The following ATRX variants were observed in gnomAD, a reference collection of about 807,000 sequenced individuals.
ATRX encodes the protein ATRX chromatin remodeler, also known as chromatin remodeler ATRX.
In ATRX, 12 loss-of-function variants were observed where a neutral mutation model predicts 172.6. The observed-to-expected ratio is 0.07, with a 90% CI of 0.04 to 0.11. The LOEUF is 0.11. Ranked by LOEUF, ATRX falls within the 10% of genes least tolerant of loss-of-function variation. The probability of loss-of-function intolerance (pLI) is 1.00; values close to 1 mark genes in which losing one functional copy is unlikely to be tolerated. For missense variants in ATRX, 1,368 were observed against 1,767.4 expected (o/e 0.77, Z 4.05); for synonymous variants, 674 against 594.7 (o/e 1.13, Z -1.94).
intron 15 of ATRX, among the ~76,000 whole-genome samples, chrX:77,645,931 T>A (rs1229791428): frequency 9.0e-6 from 1 of 111,187 alleles, no homozygotes; most frequent in East Asian, 2.8e-4. Flanking sequence ...ATATGTAATC[T>A]CCATGATAAC....
intron 1 of ATRX, among the ~76,000 whole-genome samples, chrX:77,757,239 T>C (rs1557190671): frequency 8.9e-6 from 1 of 111,843 alleles, no homozygotes. Flanking sequence ...CTTGGTATTG[T>C]CTCCACTGCA....
At chrX:77,729,951 A>G (rs1385025550) in intron 1 of ATRX, among the ~76,000 whole-genome samples, 1 of 111,988 alleles carries the variant, frequency 8.9e-6, no homozygotes, top group Non-Finnish European at 1.9e-5. Context: ...ATAAATAAAT[A>G]AAGTACAGTA....
chrX:77,614,499 A>C (rs1307536601), intron 22 of ATRX, among the ~76,000 whole-genome samples: 3 of 112,229 alleles, frequency 2.7e-5, no homozygotes, highest in Non-Finnish European at 5.6e-5. Context: ...TACTCCTATC[A>C]ATGATAGTCA....
intron 30 of ATRX, among the ~76,000 whole-genome samples, chrX:77,533,599 T>C (rs1440413931): frequency 9.1e-6 from 1 of 109,998 alleles, no homozygotes; most frequent in African/African-American, 3.3e-5. Context: ...CATGGACACA[T>C]GGAGGGGGAC....
At chrX:77,696,469 T>C in intron 5 of ATRX, 108 bp downstream of exon 5, 1 of 840,781 alleles carries the variant, frequency 1.2e-6, no homozygotes, top group Admixed American at 2.5e-5. Flanking sequence ...GAAAATGCCA[T>C]GTTTGGTCGT....
Position 77,756,551 on chromosome X carries a change from C to T in ATRX, c.20+29431G>A, listed in dbSNP as rs782661036. Reference sequence around the variant, plus strand: ...CATGGGAAAAGTGTAGTATCTGTGCCGGATAGCATAGACTCACGGGTTCCT... The same window carrying T: ...CATGGGAAAAGTGTAGTATCTGTGCTGGATAGCATAGACTCACGGGTTCCT... On this transcript the variant is annotated intron_variant, in intron 1 of 34. Coordinates refer to ENST00000373344, the MANE Select transcript of ATRX (RefSeq NM_000489.6). 5.4e-5 allele frequency among the ~76,000 whole-genome samples: 6 copies of T among 110,584 alleles called. No individual in the cohort carries two copies. In the South Asian group the frequency reaches 1.9e-3, roughly 36 times the overall value.
chrX:77,580,123 CA>C (rs1230197736), intron 27 of ATRX, among the ~76,000 whole-genome samples: 2 of 109,832 alleles, frequency 1.8e-5, no homozygotes, highest in Non-Finnish European at 3.8e-5. Context: ...TCACAGGAGA[CA>C]AAAGAGAAAA....
rs1177489764 is a variant in ATRX, at chrX:77,645,436, G to A, written c.4557+6678C>T. On this transcript the variant is annotated intron_variant, in intron 15 of 34. Coordinates refer to ENST00000373344, the MANE Select transcript of ATRX (RefSeq NM_000489.6). ...TTACAGGGGTGAGCTACTGTGCCAG[G>A]CATCAGCTGAGGATTCTATACCCAG... 2.7e-5 allele frequency among the ~76,000 whole-genome samples: 3 copies of A among 111,736 alleles called. No homozygotes were observed. In the Admixed American group the frequency reaches 2.9e-4, roughly 11 times the overall value.
At chrX:77,648,731 C>T (rs2069052297) in intron 15 of ATRX, among the ~76,000 whole-genome samples, 1 of 108,597 alleles carries the variant, frequency 9.2e-6, no homozygotes, top group African/African-American at 3.4e-5. Context: ...ATGACAGAAC[C>T]TACAAAGTAT....
At chrX:77,686,531 C>T (rs2071565254) in intron 7 of ATRX, among the ~76,000 whole-genome samples, 1 of 110,659 alleles carries the variant, frequency 9.0e-6, no homozygotes, top group African/African-American at 3.3e-5. Context: ...GCCTGGCCAA[C>T]ATGGCGAAAC....
At chrX:77,764,639 C>T (rs1557194516) in intron 1 of ATRX, among the ~76,000 whole-genome samples, 1 of 112,043 alleles carries the variant, frequency 8.9e-6, no homozygotes. Context: ...TCAAATTTTA[C>T]AGAAGACTGG....
At chrX:77,674,768 C>T (rs782700949) in intron 10 of ATRX, 53 of 111,097 alleles carry the variant, frequency 4.8e-4, no homozygotes, top group South Asian at 2.6e-3. Context: ...AAAATTAAAG[C>T]ATCTTAAAAA....
At chrX:77,785,016 G>C (rs1479685558) in intron 1 of ATRX, among the ~76,000 whole-genome samples, 3 of 111,425 alleles carry the variant, frequency 2.7e-5, no homozygotes, top group Non-Finnish European at 5.6e-5. Context: ...CTGGGTAAAA[G>C]TGTATACATT....
chrX:77,668,765 A>T (rs2070389482), intron 10 of ATRX, among the ~76,000 whole-genome samples: 1 of 110,308 alleles, frequency 9.1e-6, no homozygotes, highest in Admixed American at 9.7e-5. Context: ...AGATAACACC[A>T]TTACTAAAAG....
At chrX:77,562,657 T>C (rs781783098) in intron 28 of ATRX, among the ~76,000 whole-genome samples, 1 of 111,429 alleles carries the variant, frequency 9.0e-6, no homozygotes, top group African/African-American at 3.3e-5. Context: ...TGATCCTCCT[T>C]CCTCAGCCTC....
chrX:77,669,832 G>A (rs1480392037), intron 10 of ATRX, among the ~76,000 whole-genome samples: 1 of 109,845 alleles, frequency 9.1e-6, no homozygotes, highest in Non-Finnish European at 1.9e-5. Flanking sequence ...CTGAGTAGCT[G>A]GAACTACAGG....
intron 16 of ATRX, among the ~76,000 whole-genome samples, chrX:77,635,143 G>A (rs183436873): frequency 6.2e-4 from 69 of 110,962 alleles, no homozygotes; most frequent in African/African-American, 2.3e-3. Flanking sequence ...TTAGCTGGGC[G>A]TGGTGGTGGT....
At chrX:77,643,907 T>C (rs1206817489) in intron 15 of ATRX, among the ~76,000 whole-genome samples, 1 of 109,974 alleles carries the variant, frequency 9.1e-6, no homozygotes, top group African/African-American at 3.3e-5. Flanking sequence ...ACAATCAATC[T>C]ACAAACAGAG....
chrX:77,625,464 G>A (rs782168966), intron 19 of ATRX, among the ~76,000 whole-genome samples: 5 of 112,441 alleles, frequency 4.4e-5, no homozygotes, highest in Admixed American at 9.3e-5. Context: ...GACAACCCAC[G>A]GAGTGGGAGA....
Sources: allele counts gnomAD v4.1 joint callset (sites outside exome capture counted in the v4.1 genomes callset), GRCh38; gene constraint gnomAD v4.1.1; transcripts MANE v1.5; gene names NCBI Gene and HGNC (gene_info 2026-07-23, HGNC 2026-07-21).